The following IL1RAPL2 variants were observed in gnomAD, a reference collection of about 807,000 sequenced individuals.
IL1RAPL2 encodes X-linked interleukin-1 receptor accessory protein-like 2.
IL1RAPL2 carries 3 observed loss-of-function variants against 44.1 expected under a neutral mutation model. The ratio of observed to expected loss-of-function variants is 0.07; its 90% CI spans 0.03 to 0.18. IL1RAPL2 has a LOEUF of 0.18. Ranked by LOEUF, IL1RAPL2 falls within the 10% of genes least tolerant of loss-of-function variation. The probability of loss-of-function intolerance (pLI) is 1.00; values close to 1 mark genes in which losing one functional copy is unlikely to be tolerated. For missense variants in IL1RAPL2, 391 were observed against 496.4 expected (o/e 0.79, Z 2.02); for synonymous variants, 181 against 178.8 (o/e 1.01, Z -0.10).
intron 2 of IL1RAPL2, among the ~76,000 whole-genome samples, chrX:104,897,547 C>A (rs1295082184): frequency 8.9e-6 from 1 of 112,010 alleles, no homozygotes; most frequent in Non-Finnish European, 1.9e-5. Context: ...GGATATGAAC[C>A]CCACCTCTCT....
intron 2 of IL1RAPL2, among the ~76,000 whole-genome samples, chrX:104,726,289 G>A (rs1931790450): frequency 9.0e-6 from 1 of 111,680 alleles, no homozygotes; most frequent in African/African-American, 3.3e-5. Context: ...TAGCCTTGTA[G>A]TATAGATTGA....
intron 6 of IL1RAPL2, among the ~76,000 whole-genome samples, chrX:105,610,106 C>T (rs986021946): frequency 2.7e-5 from 3 of 111,395 alleles, no homozygotes; most frequent in Middle Eastern, 4.7e-3. Flanking sequence ...AGCTACCATC[C>T]GTAGGTGTAA....
At chrX:104,778,367 A>C (rs1033766395) in intron 2 of IL1RAPL2, among the ~76,000 whole-genome samples, 2 of 110,639 alleles carry the variant, frequency 1.8e-5, no homozygotes, top group Admixed American at 9.7e-5. Flanking sequence ...GATTCATAAG[A>C]ATTATCTCCA....
At chrX:105,035,134 C>T (rs1005860973) in intron 2 of IL1RAPL2, among the ~76,000 whole-genome samples, 9 of 111,446 alleles carry the variant, frequency 8.1e-5, no homozygotes, top group East Asian at 2.9e-4. Context: ...TTCCAGGTGC[C>T]GTCTGTCACC....
intron 2 of IL1RAPL2, among the ~76,000 whole-genome samples, chrX:104,701,058 G>A (rs897079826): frequency 1.8e-5 from 2 of 110,745 alleles, no homozygotes; most frequent in Admixed American, 9.6e-5. Flanking sequence ...TGTAATAGAG[G>A]GACTGAGTAA....
At chrX:105,639,069 T>G (rs1022221589) in intron 6 of IL1RAPL2, among the ~76,000 whole-genome samples, 5 of 111,670 alleles carry the variant, frequency 4.5e-5, no homozygotes, top group African/African-American at 1.6e-4. Context: ...AGCCTTAATT[T>G]TGTTTTTTAT....
intron 2 of IL1RAPL2, among the ~76,000 whole-genome samples, chrX:105,005,591 T>A (rs1197566547): frequency 9.0e-6 from 1 of 110,927 alleles, no homozygotes; most frequent in Non-Finnish European, 1.9e-5. Context: ...TATTTCTTCT[T>A]GTATGTACCT....
chrX:105,696,589 G>C (rs1269060240), intron 6 of IL1RAPL2, among the ~76,000 whole-genome samples: 1 of 111,662 alleles, frequency 9.0e-6, no homozygotes, highest in Non-Finnish European at 1.9e-5. Flanking sequence ...AAATTAGAGT[G>C]TCATGGTCCT....
intron 2 of IL1RAPL2, among the ~76,000 whole-genome samples, chrX:105,034,417 T>TC (rs2031580248): frequency 1.8e-5 from 2 of 112,103 alleles, no homozygotes; most frequent in African/African-American, 6.5e-5. Flanking sequence ...GGATGTCCTT[T>TC]CTGTTTGTTA....
chrX:105,689,186 C>T (rs921512017), intron 6 of IL1RAPL2, among the ~76,000 whole-genome samples: 11 of 111,848 alleles, frequency 9.8e-5, no homozygotes, highest in African/African-American at 3.3e-4. Flanking sequence ...ACTAAAACAA[C>T]AAAAGCAATG....
intron 6 of IL1RAPL2, among the ~76,000 whole-genome samples, chrX:105,633,822 G>A (rs990242217): frequency 4.5e-5 from 5 of 111,464 alleles, no homozygotes; most frequent in African/African-American, 1.6e-4. Flanking sequence ...TAGATACTTG[G>A]TTTTGGATTT....
chrX:105,273,256 A>G (rs1745952432), intron 5 of IL1RAPL2, among the ~76,000 whole-genome samples: 1 of 110,798 alleles, frequency 9.0e-6, no homozygotes, highest in African/African-American at 3.3e-5. Flanking sequence ...TCAGAAAACA[A>G]TACTTCAAAA....
chrX:105,135,334 T>G (rs189257303), intron 2 of IL1RAPL2, among the ~76,000 whole-genome samples: 369 of 111,369 alleles, frequency 3.3e-3, no homozygotes, highest in Admixed American at 5.7e-3. Context: ...CTTGTAACTA[T>G]TATTTAGTTT....
chrX:104,817,817 T>C (rs1056044289), intron 2 of IL1RAPL2, among the ~76,000 whole-genome samples: 1 of 111,546 alleles, frequency 9.0e-6, no homozygotes, highest in Non-Finnish European at 1.9e-5. Context: ...AGAAAGACTA[T>C]CTCTTCTTAT....
intron 2 of IL1RAPL2, among the ~76,000 whole-genome samples, chrX:104,962,988 T>A (rs963444649): frequency 5.4e-5 from 6 of 112,146 alleles, no homozygotes; most frequent in African/African-American, 1.9e-4. Context: ...AATATTTACC[T>A]GGGTTTCTTC....
chrX:104,902,698 T>C (rs917656411), intron 2 of IL1RAPL2, among the ~76,000 whole-genome samples: 1 of 112,130 alleles, frequency 8.9e-6, no homozygotes, highest in Non-Finnish European at 1.9e-5. Flanking sequence ...TCTATATGTA[T>C]ATATTCTAGA....
At chrX:105,429,793 A>T in intron 5 of IL1RAPL2, among the ~76,000 whole-genome samples, 1 of 111,900 alleles carries the variant, frequency 8.9e-6, no homozygotes, top group African/African-American at 3.2e-5. Context: ...TTTATATGCA[A>T]AAAGAAGCCT....
intron 2 of IL1RAPL2, among the ~76,000 whole-genome samples, chrX:104,765,126 A>T (rs1932533287): frequency 8.9e-6 from 1 of 111,932 alleles, no homozygotes; most frequent in Non-Finnish European, 1.9e-5. Flanking sequence ...TAGAATTGGT[A>T]TTAGTTCTTT....
chrX:105,292,215 T>C (rs765501584), intron 5 of IL1RAPL2, among the ~76,000 whole-genome samples: 1 of 112,409 alleles, frequency 8.9e-6, no homozygotes, highest in African/African-American at 3.2e-5. Flanking sequence ...TATGAAATTA[T>C]GCATGTATAA....
Sources: gnomAD v4.1 joint callset for allele counts (sites outside exome capture counted in the v4.1 genomes callset) on GRCh38, gnomAD v4.1.1 for gene constraint, MANE v1.5 for transcripts, NCBI Gene and HGNC (gene_info 2026-07-23, HGNC 2026-07-21) for gene names.